The following ROBO2 variants were observed in gnomAD, a reference collection of about 807,000 sequenced individuals.
The protein encoded by ROBO2 is roundabout guidance receptor 2, also known as roundabout homolog 2.
Under a neutral mutation model 160.8 loss-of-function variants are expected in ROBO2, and 53 were observed. The observed-to-expected ratio is 0.33, with a 90% CI of 0.26 to 0.41. The LOEUF (loss-of-function observed/expected upper bound fraction) is 0.41. Ranked by LOEUF, ROBO2 falls within the 10% of genes least tolerant of loss-of-function variation. ROBO2 has a pLI of 1.00. For missense variants in ROBO2, 1,577 were observed against 1,722.4 expected (o/e 0.92, Z 1.49); for synonymous variants, 664 against 611.7 (o/e 1.09, Z -1.26).
At position 75,915,265 on chromosome 3, in the gene ROBO2, G is replaced by T. The variant is rs1212904755; in HGVS notation, c.-14+8305G>T. Among the ~76,000 whole-genome samples, 6 of 152,202 alleles carry T rather than the reference G, an allele frequency of 3.9e-5. No individual in the cohort carries two copies. In the East Asian group the frequency reaches 1.2e-3, roughly 29 times the overall value. On this transcript the variant is annotated intron_variant, in intron 1 of 26. Transcript: ENST00000487694. ...ATGGCTTTTCTAAGCATAAGAGTCA[G>T]GTCTTTTTCAATCAAAGACTAACTC...
At chr3:76,977,002 T>G (rs1488429687) in intron 2 of ROBO2, among the ~76,000 whole-genome samples, 4 of 152,224 alleles carry the variant, frequency 2.6e-5, no homozygotes, top group African/African-American at 9.6e-5. Context: ...TTTTCTAGAC[T>G]TTGGTTTATA....
intron 2 of ROBO2, among the ~76,000 whole-genome samples, chr3:76,295,972 A>G (rs1214910542): frequency 6.6e-6 from 1 of 152,190 alleles, no homozygotes; most frequent in Non-Finnish European, 1.5e-5. Flanking sequence ...TATAAGATAC[A>G]TTTTCATCTG....
chr3:77,493,910 C>T (rs1479081221), intron 5 of ROBO2, among the ~76,000 whole-genome samples: 1 of 152,126 alleles, frequency 6.6e-6, no homozygotes, highest in African/African-American at 2.4e-5. Context: ...ACACAGAGAC[C>T]TTCTGTCACT....
At chr3:77,040,016 G>T in exon 1 of ROBO2, 1 of 793,310 alleles carries the variant, frequency 1.3e-6, no homozygotes, top group Non-Finnish European at 1.5e-6. Flanking sequence ...AGGCGGCACC[G>T]CGGGGGTGTC....
At chr3:76,396,521 G>C (rs79044850) in intron 2 of ROBO2, among the ~76,000 whole-genome samples, 25,137 of 151,930 alleles carry the variant, frequency 0.17, 3,923 homozygotes, top group East Asian at 0.44. Context: ...TGGGAAAAGA[G>C]GAAGTCAAAT....
intron 2 of ROBO2, among the ~76,000 whole-genome samples, chr3:77,233,260 A>T (rs2087469855): frequency 6.6e-6 from 1 of 152,220 alleles, no homozygotes; most frequent in Admixed American, 6.5e-5. Flanking sequence ...GTGAAGCCTG[A>T]TTGTATTATT....
At chr3:77,597,309 A>AAATC (rs1260754339) in intron 19 of ROBO2, among the ~76,000 whole-genome samples, 90 of 120,550 alleles carry the variant, frequency 7.5e-4, no homozygotes, top group Non-Finnish European at 1.5e-3. Flanking sequence ...ATAAATAAAT[A>AAATC]AATAAATAAA....
chr3:77,328,543 T>C (rs1362210972), intron 2 of ROBO2, among the ~76,000 whole-genome samples: 1 of 152,208 alleles, frequency 6.6e-6, no homozygotes, highest in Non-Finnish European at 1.5e-5. Flanking sequence ...TGCTGTTTGC[T>C]ATGCTATTAT....
At chr3:75,911,822 C>T (rs1456871260) in intron 1 of ROBO2, among the ~76,000 whole-genome samples, 4 of 151,994 alleles carry the variant, frequency 2.6e-5, no homozygotes, top group Admixed American at 1.3e-4. Context: ...TCCCAAAGTG[C>T]TGGGATTACA....
At chr3:77,119,294 G>C (rs2074510283) in intron 2 of ROBO2, among the ~76,000 whole-genome samples, 1 of 152,066 alleles carries the variant, frequency 6.6e-6, no homozygotes, top group Non-Finnish European at 1.5e-5. Context: ...ATACAAAATT[G>C]TAATACAATT....
intron 2 of ROBO2, among the ~76,000 whole-genome samples, chr3:76,654,913 G>GTGTATA (rs536883164): frequency 0.095 from 7,015 of 73,898 alleles, 216 homozygotes; most frequent in African/African-American, 0.14. Flanking sequence ...ATATGTGTGT[G>GTGTATA]TATATATATA....
At chr3:77,170,013 A>G (rs75008265) in intron 2 of ROBO2, among the ~76,000 whole-genome samples, 42 of 152,190 alleles carry the variant, frequency 2.8e-4, no homozygotes, top group African/African-American at 9.1e-4. Context: ...CCAGACTGAC[A>G]CCGGGGAAGC....
chr3:75,935,671 T>G (rs1947741839), intron 1 of ROBO2, among the ~76,000 whole-genome samples: 1 of 152,180 alleles, frequency 6.6e-6, no homozygotes, highest in African/African-American at 2.4e-5. Flanking sequence ...TGCCTTATGC[T>G]CTAATGATTT....
In ROBO2 at chr3:77,206,832, A is replaced by T. The variant is rs1013597332; in HGVS notation, c.388+108492A>T. Among the ~76,000 whole-genome samples, 9 of 152,286 alleles carry T rather than the reference A, an allele frequency of 5.9e-5. No individual in the cohort carries two copies. In the East Asian group the frequency reaches 1.4e-3, roughly 23 times the overall value. The stretch of plus-strand genomic sequence containing the variant: ...TTCTTGAATTGATAGAGAATTCAAG[A>T]ATTCTGTAATCCATTGATGAAACCA... On this transcript the variant is annotated intron_variant, in intron 2 of 25. Coordinates refer to ENST00000461745, the Ensembl canonical transcript of ROBO2.
chr3:76,684,278 C>A (rs1056522800), intron 2 of ROBO2, among the ~76,000 whole-genome samples: 12 of 152,092 alleles, frequency 7.9e-5, no homozygotes, highest in African/African-American at 2.9e-4. Context: ...AGCTATAGGG[C>A]CTCGCTGGGT....
chr3:76,869,474 C>T (rs1323502918), intron 2 of ROBO2, among the ~76,000 whole-genome samples: 1 of 151,216 alleles, frequency 6.6e-6, no homozygotes, highest in Admixed American at 6.6e-5. Context: ...CTCAGCCTCC[C>T]GAGTAGCTGG....
At chr3:76,604,419 A>C (rs972193309) in intron 2 of ROBO2, among the ~76,000 whole-genome samples, 1 of 152,138 alleles carries the variant, frequency 6.6e-6, no homozygotes, top group African/African-American at 2.4e-5. Context: ...ATATCTTTGG[A>C]TATCAGTTCT....
At chr3:76,025,484 G>A (rs979909467) in intron 2 of ROBO2, among the ~76,000 whole-genome samples, 2 of 151,720 alleles carry the variant, frequency 1.3e-5, no homozygotes, top group Non-Finnish European at 3.0e-5. Flanking sequence ...TGACACTATA[G>A]ATCATCCAAG....
chr3:76,771,096 C>G (rs1264980398), intron 2 of ROBO2, among the ~76,000 whole-genome samples: 2 of 151,292 alleles, frequency 1.3e-5, no homozygotes, highest in African/African-American at 2.4e-5. Flanking sequence ...GGGTTTGTGA[C>G]AGTTGCTACC....
Sources: gnomAD v4.1 joint callset for allele counts (sites outside exome capture counted in the v4.1 genomes callset) on GRCh38, gnomAD v4.1.1 for gene constraint, MANE v1.5 for transcripts, NCBI Gene and HGNC (gene_info 2026-07-23, HGNC 2026-07-21) for gene names.